ATRNL1: variants seen among roughly 807,000 people sequenced by gnomAD.
ATRNL1 encodes the protein attractin like 1.
In ATRNL1, 95 loss-of-function variants were observed where a neutral mutation model predicts 182.7. The ratio of observed to expected loss-of-function variants is 0.52; its 90% CI spans 0.44 to 0.62. The LOEUF (loss-of-function observed/expected upper bound fraction) is 0.62, where lower values mean the gene tolerates loss of function less well. ATRNL1 is among the 20% of genes least tolerant of loss of function. ATRNL1 has a pLI of 0.00. For synonymous variants in ATRNL1, 576 were observed against 568.3 expected (o/e 1.01, Z -0.19); for missense variants, 1,471 against 1,679.5 (o/e 0.88, Z 2.17).
intron 28 of ATRNL1, among the ~76,000 whole-genome samples, chr10:115,861,900 C>G (rs1195593378): frequency 6.6e-6 from 1 of 151,956 alleles, no homozygotes; most frequent in Admixed American, 6.6e-5. Flanking sequence ...GGCCAGGAGT[C>G]TGAGACAAAC....
intron 19 of ATRNL1, among the ~76,000 whole-genome samples, chr10:115,372,097 G>T (rs1554948211): frequency 1.3e-5 from 2 of 152,186 alleles, no homozygotes; most frequent in Admixed American, 1.3e-4. Context: ...ATGTGGAACT[G>T]TGAGTCCATT....
At chr10:115,291,692 A>G (rs1852911814) in intron 15 of ATRNL1, among the ~76,000 whole-genome samples, 1 of 151,676 alleles carries the variant, frequency 6.6e-6, no homozygotes, top group South Asian at 2.1e-4. Flanking sequence ...CCATCCTTGT[A>G]GCCCTTGGAT....
At chr10:115,633,503 G>A (rs1858657829) in intron 26 of ATRNL1, among the ~76,000 whole-genome samples, 1 of 152,148 alleles carries the variant, frequency 6.6e-6, no homozygotes, top group South Asian at 2.1e-4. Context: ...GTTATGAGTT[G>A]AAATGTTTTG....
intron 19 of ATRNL1, among the ~76,000 whole-genome samples, chr10:115,374,452 CT>C (rs1171037496): frequency 1.4e-4 from 11 of 78,472 alleles, no homozygotes; most frequent in Non-Finnish European, 2.6e-4. Context: ...TCCTTCCTTC[CT>C]TTCCTTCCTT....
At chr10:115,524,172 C>T (rs549437282) in intron 25 of ATRNL1, among the ~76,000 whole-genome samples, 2 of 152,250 alleles carry the variant, frequency 1.3e-5, no homozygotes, top group East Asian at 1.9e-4. Flanking sequence ...TGGCACAAAT[C>T]CATTTATGAT....
At chr10:115,577,355 T>G (rs142651075) in intron 26 of ATRNL1, among the ~76,000 whole-genome samples, 210 of 151,988 alleles carry the variant, frequency 1.4e-3, no homozygotes, top group African/African-American at 4.7e-3. Context: ...TTCAATCCAT[T>G]AACACAGAAC....
At chr10:115,431,565 C>T (rs1181326379) in intron 21 of ATRNL1, among the ~76,000 whole-genome samples, 5 of 152,050 alleles carry the variant, frequency 3.3e-5, no homozygotes, top group Admixed American at 2.6e-4. Context: ...CAGTTTTTCC[C>T]TGTATTTTTT....
intron 5 of ATRNL1, among the ~76,000 whole-genome samples, chr10:115,136,213 A>G (rs1012852786): frequency 6.6e-6 from 1 of 152,188 alleles, no homozygotes; most frequent in African/African-American, 2.4e-5. Flanking sequence ...AATGATATAT[A>G]CATATTAAAT....
At chr10:115,789,839 G>C (rs1252991392) in intron 27 of ATRNL1, among the ~76,000 whole-genome samples, 1 of 152,092 alleles carries the variant, frequency 6.6e-6, no homozygotes, top group Non-Finnish European at 1.5e-5. Context: ...GAGTTGAGCA[G>C]TTTAAATGCT....
chr10:115,492,315 G>A (rs1434347177), intron 24 of ATRNL1, among the ~76,000 whole-genome samples: 2 of 151,874 alleles, frequency 1.3e-5, no homozygotes, highest in African/African-American at 4.8e-5. Flanking sequence ...TCTTTTTTTG[G>A]AGGTGGGCAT....
chr10:115,780,252 G>C (rs1048778055), intron 27 of ATRNL1, among the ~76,000 whole-genome samples: 3 of 152,164 alleles, frequency 2.0e-5, no homozygotes, highest in Non-Finnish European at 4.4e-5. Flanking sequence ...CACGCACAGA[G>C]GGAGCATTTA....
At chr10:115,530,874 T>G in intron 25 of ATRNL1, among the ~76,000 whole-genome samples, 1 of 147,932 alleles carries the variant, frequency 6.8e-6, no homozygotes, top group South Asian at 2.2e-4. Flanking sequence ...TGAGAACATG[T>G]GGTGTTTGGT....
chr10:115,691,308 T>C (rs1946386817), intron 26 of ATRNL1, among the ~76,000 whole-genome samples: 1 of 152,222 alleles, frequency 6.6e-6, no homozygotes, highest in Admixed American at 6.5e-5. Context: ...TTTTGGGTAA[T>C]AAGCATCCTA....
chr10:115,619,529 G>A (rs782658818), intron 26 of ATRNL1, among the ~76,000 whole-genome samples: 5 of 152,322 alleles, frequency 3.3e-5, no homozygotes, highest in South Asian at 2.1e-4. Context: ...GCAAGCATCC[G>A]TAGTGCTATT....
intron 26 of ATRNL1, among the ~76,000 whole-genome samples, chr10:115,623,598 A>C (rs545885848): frequency 2.6e-5 from 4 of 152,270 alleles, no homozygotes; most frequent in African/African-American, 9.6e-5. Flanking sequence ...CTACAAAAAA[A>C]CCAAAATAAA....
chr10:115,288,764 C>T (rs1366214075), intron 15 of ATRNL1, among the ~76,000 whole-genome samples: 14 of 152,134 alleles, frequency 9.2e-5, no homozygotes, highest in South Asian at 4.1e-4. Context: ...TCAGGTAATC[C>T]GCCCACCATG....
At chr10:115,229,414 T>A (rs1849833551) in intron 9 of ATRNL1, among the ~76,000 whole-genome samples, 1 of 152,148 alleles carries the variant, frequency 6.6e-6, no homozygotes, top group Non-Finnish European at 1.5e-5. Flanking sequence ...CTGATGAACA[T>A]CAGCATTTTT....
At chr10:115,553,834 G>A (rs11593878) in intron 26 of ATRNL1, among the ~76,000 whole-genome samples, 24,722 of 151,256 alleles carry the variant, frequency 0.16, 2,547 homozygotes, top group South Asian at 0.24. Context: ...AAACCAATTA[G>A]TTATAAAATA....
intron 24 of ATRNL1, among the ~76,000 whole-genome samples, chr10:115,485,912 G>T (rs1223901041): frequency 1.1e-5 from 1 of 92,972 alleles, no homozygotes; most frequent in African/African-American, 4.4e-5. Flanking sequence ...CCCCCCAATA[G>T]GCCCTGGTTT....
Sources: gnomAD v4.1 joint callset for allele counts (sites outside exome capture counted in the v4.1 genomes callset) on GRCh38, gnomAD v4.1.1 for gene constraint, MANE v1.5 for transcripts, NCBI Gene and HGNC (gene_info 2026-07-23, HGNC 2026-07-21) for gene names.